NECTIN3: variants seen among roughly 807,000 people sequenced by gnomAD.
NECTIN3 encodes nectin cell adhesion molecule 3.
In NECTIN3, 8 loss-of-function variants were observed where a neutral mutation model predicts 49.4. The ratio of observed to expected loss-of-function variants is 0.16; its 90% CI spans 0.10 to 0.29. The LOEUF (loss-of-function observed/expected upper bound fraction) is 0.29, where lower values mean the gene tolerates loss of function less well. Among genes scored for constraint, NECTIN3 ranks in the 10% least tolerant of loss-of-function variants. NECTIN3 has a pLI of 1.00. For missense variants in NECTIN3, 581 were observed against 654.6 expected (o/e 0.89, Z 1.23); for synonymous variants, 277 against 241.1 (o/e 1.15, Z -1.38).
At chr3:111,155,491 G>A (rs1416059095) in intron 7 of NECTIN3, among the ~76,000 whole-genome samples, 1 of 152,284 alleles carries the variant, frequency 6.6e-6, no homozygotes, top group South Asian at 2.1e-4. Context: ...ATAAAAGCAC[G>A]ATGTTTATGT....
chr3:111,099,216 C>T (rs1157230665), intron 1 of NECTIN3, among the ~76,000 whole-genome samples: 1 of 152,100 alleles, frequency 6.6e-6, no homozygotes, highest in East Asian at 1.9e-4. Context: ...ATGTTACTTT[C>T]TAGATGTAGC....
At chr3:111,149,782 T>C (rs1230576889) in intron 7 of NECTIN3, among the ~76,000 whole-genome samples, 1 of 151,948 alleles carries the variant, frequency 6.6e-6, no homozygotes, top group Non-Finnish European at 1.5e-5. Context: ...TTTTTATCCC[T>C]TGCATATTGT....
chr3:111,130,395 C>G (rs1372398547), intron 5 of NECTIN3, among the ~76,000 whole-genome samples: 1 of 151,820 alleles, frequency 6.6e-6, no homozygotes, highest in African/African-American at 2.4e-5. Flanking sequence ...AGGTATAATG[C>G]TGCCTTTCCA....
intron 1 of NECTIN3, among the ~76,000 whole-genome samples, chr3:111,091,818 T>A (rs2032289063): frequency 6.6e-6 from 1 of 152,230 alleles, no homozygotes; most frequent in African/African-American, 2.4e-5. Flanking sequence ...GGTATTTACC[T>A]GCAAGTGAAA....
chr3:111,107,015 C>G (rs1335431455), intron 1 of NECTIN3, among the ~76,000 whole-genome samples: 1 of 152,010 alleles, frequency 6.6e-6, no homozygotes, highest in Non-Finnish European at 1.5e-5. Context: ...CTTCTTGGTT[C>G]ATTTCTGAGA....
At chr3:111,086,458 GTTCATATTTT>G (rs1397132150) in intron 1 of NECTIN3, among the ~76,000 whole-genome samples, 1 of 152,018 alleles carries the variant, frequency 6.6e-6, no homozygotes, top group Non-Finnish European at 1.5e-5. Context: ...ATAAGATAGG[GTTCATATTTT>G]TTCCTCCATT....
intron 7 of NECTIN3, among the ~76,000 whole-genome samples, chr3:111,176,784 G>A (rs2035537575): frequency 6.6e-6 from 1 of 151,860 alleles, no homozygotes; most frequent in African/African-American, 2.4e-5. Flanking sequence ...CTTCTAGAAA[G>A]TAACCATTAG....
chr3:111,129,839 A>C (rs960287766), intron 5 of NECTIN3, among the ~76,000 whole-genome samples: 1 of 151,738 alleles, frequency 6.6e-6, no homozygotes, highest in Non-Finnish European at 1.5e-5. Context: ...TAGAAGAGAC[A>C]GGGTTTCACC....
Position 111,085,468 on chromosome 3 carries a change from G to A in NECTIN3, c.160+13291G>A, listed in dbSNP as rs75798967. Among the ~76,000 whole-genome samples the A allele has an allele frequency of 1.7e-3, 257 of 152,292 alleles. 2 individuals carry two copies. The highest frequency in any genetic ancestry group is 5.8e-3 in the African/African-American group (243 of 41,566). On this transcript the variant is annotated intron_variant, in intron 1 of 5. Transcript: ENST00000485303. ...AGAAAAATACATACATAAATGTGCG[G>A]TTGGATGAACTGTTAAAATGTGAGG...
chr3:111,148,213 G>T (rs1251659686), intron 7 of NECTIN3, among the ~76,000 whole-genome samples: 1 of 152,150 alleles, frequency 6.6e-6, no homozygotes, highest in Admixed American at 6.6e-5. Context: ...CCTGAATAAG[G>T]CAAATCATTA....
chr3:111,072,206 C>CT, intron 1 of NECTIN3, 29 bp downstream of exon 1: 1 of 1,526,450 alleles, frequency 6.6e-7, no homozygotes, highest in Non-Finnish European at 8.8e-7. Flanking sequence ...CCGGCGTGGG[C>CT]TGAGGGAGCC....
intron 7 of NECTIN3, among the ~76,000 whole-genome samples, chr3:111,160,383 TAC>T (rs1418752166): frequency 6.6e-6 from 1 of 152,186 alleles, no homozygotes; most frequent in African/African-American, 2.4e-5. Flanking sequence ...AGTTTTTTTT[TAC>T]AGTCAAGATT....
chr3:111,104,116 C>A (rs560281128), intron 1 of NECTIN3, among the ~76,000 whole-genome samples: 1 of 152,218 alleles, frequency 6.6e-6, no homozygotes, highest in South Asian at 2.1e-4. Flanking sequence ...TACCATTTTA[C>A]AGTTTAACCA....
intron 1 of NECTIN3, among the ~76,000 whole-genome samples, chr3:111,074,036 T>C (rs2030995611): frequency 1.3e-5 from 2 of 151,330 alleles, no homozygotes; most frequent in South Asian, 4.2e-4. Flanking sequence ...GAGTCAACTC[T>C]TCTTGTTGTA....
chr3:111,088,387 C>G (rs969696594), intron 1 of NECTIN3, among the ~76,000 whole-genome samples: 1 of 152,098 alleles, frequency 6.6e-6, no homozygotes, highest in Non-Finnish European at 1.5e-5. Context: ...GCTAAATAAA[C>G]CTTTTTTCTT....
intron 1 of NECTIN3, among the ~76,000 whole-genome samples, chr3:111,087,469 A>G (rs747036812): frequency 3.9e-5 from 6 of 152,088 alleles, no homozygotes; most frequent in Non-Finnish European, 7.3e-5. Flanking sequence ...CCTGGCCAAC[A>G]TGGCAAAATC....
At chr3:111,117,221 G>C (rs1456339018) in intron 2 of NECTIN3, among the ~76,000 whole-genome samples, 3 of 152,040 alleles carry the variant, frequency 2.0e-5, no homozygotes, top group Non-Finnish European at 2.9e-5. Flanking sequence ...ACAAAGTTGA[G>C]TCAAAGAAAA....
chr3:111,130,997 T>G (rs2034366999), intron 5 of NECTIN3, among the ~76,000 whole-genome samples: 1 of 152,108 alleles, frequency 6.6e-6, no homozygotes, highest in Non-Finnish European at 1.5e-5. Flanking sequence ...ATATTGATTT[T>G]AGGATCCAAG....
At chr3:111,082,028 G>A (rs1380076096) in intron 1 of NECTIN3, among the ~76,000 whole-genome samples, 1 of 152,200 alleles carries the variant, frequency 6.6e-6, no homozygotes, top group Non-Finnish European at 1.5e-5. Context: ...ATATTCCATG[G>A]AAAGAGGATT....
Sources: allele counts gnomAD v4.1 joint callset (sites outside exome capture counted in the v4.1 genomes callset), GRCh38; gene constraint gnomAD v4.1.1; transcripts MANE v1.5; gene names NCBI Gene and HGNC (gene_info 2026-07-23, HGNC 2026-07-21).